GMFG: variants seen among roughly 807,000 people sequenced by gnomAD.
GMFG encodes the protein glia maturation factor gamma.
Under a neutral mutation model 26.1 loss-of-function variants are expected in GMFG, and 21 were observed. That is an observed-to-expected ratio of 0.80 (90% CI 0.57 to 1.16). The LOEUF (loss-of-function observed/expected upper bound fraction) is 1.16. Ranked by LOEUF, GMFG falls within the 50% of genes most tolerant of loss-of-function variation. The pLI, the probability that GMFG is intolerant of heterozygous loss-of-function variation, is 0.00. For synonymous variants in GMFG, 65 were observed against 60.8 expected (o/e 1.07, Z -0.32); for missense variants, 161 against 178.3 (o/e 0.90, Z 0.55).
chr19:39,333,056 C>T lies in GMFG; in HGVS notation c.200+21G>A, dbSNP rs551580183. The T allele has an allele frequency of 8.2e-5, 129 of 1,575,456 alleles. 2 individuals are homozygous for T. The South Asian group carries it at 1.3e-3, about 16-fold the overall frequency. ...CCCCTCCCCTCATGGCCTGATCCAA[C>T]CCTTTCTTCCCCCAGGATACCTGGG... On this transcript the variant is annotated intron_variant, in intron 4 of 6. Transcript: ENST00000597595.
intron 5 of GMFG, 71 bp downstream of exon 5, chr19:39,329,473 C>A: frequency 2.3e-6 from 2 of 882,562 alleles, no homozygotes; most frequent in South Asian, 1.4e-5. Flanking sequence ...TGCACACATT[C>A]GCATTTACAC....
chr19:39,331,122 C>T (rs1019451551), intron 4 of GMFG, among the ~76,000 whole-genome samples: 1 of 152,148 alleles, frequency 6.6e-6, no homozygotes, highest in African/African-American at 2.4e-5. Context: ...CACAGGAACA[C>T]CCTGTAACTT....
chr19:39,330,595 A>AT (rs568367051), intron 4 of GMFG, among the ~76,000 whole-genome samples: 8,063 of 131,440 alleles, frequency 0.061, 836 homozygotes, highest in African/African-American at 0.21. Flanking sequence ...TGCCCAGCTA[A>AT]TTTTTTTTTT....
chr19:39,331,430 T>C (rs1349052590), intron 4 of GMFG, among the ~76,000 whole-genome samples: 2 of 152,242 alleles, frequency 1.3e-5, no homozygotes, highest in Non-Finnish European at 2.9e-5. Flanking sequence ...GCAATTATCA[T>C]ATGCCCATGA....
Position 39,328,558 on chromosome 19 carries a change from G to T in GMFG, c.358-10C>A. Reference sequence around the variant, plus strand: ...TGCGGATTTCGAACACCTGGGCAGAGAGAGGTCTCGGCATTATGATCTACT... The same window carrying T: ...TGCGGATTTCGAACACCTGGGCAGATAGAGGTCTCGGCATTATGATCTACT... On this transcript the variant is annotated splice_polypyrimidine_tract_variant and intron_variant, in intron 6 of 6. Coordinates refer to ENST00000597595, the MANE Select transcript of GMFG (RefSeq NM_004877.4). 1 of 1,603,442 alleles carries T rather than the reference G, an allele frequency of 6.2e-7. No homozygotes were observed. Among genetic ancestry groups the T allele is most frequent in the Non-Finnish European group, 8.5e-7 (1 of 1,170,546 alleles).
chr19:39,328,377 A>T lies in GMFG; in HGVS notation c.*100T>A, dbSNP rs992901323. On this transcript the variant is annotated 3_prime_UTR_variant, in exon 7 of 7. Coordinates refer to ENST00000597595, the MANE Select transcript of GMFG (RefSeq NM_004877.4). ...GAGGATCTCCGAGTTTTTGCATTTTAAAATTTATTTAAAGTCTTGGTTGTT... is the reference window on the plus strand; with the variant it reads ...GAGGATCTCCGAGTTTTTGCATTTTTAAATTTATTTAAAGTCTTGGTTGTT... The T allele has an allele frequency of 1.1e-5, 9 of 807,166 alleles. No individual in the cohort carries two copies. Among genetic ancestry groups the T allele is most frequent in the Non-Finnish European group, 1.7e-5 (8 of 467,252 alleles). 50.0% of individuals were successfully genotyped at this position (807,166 alleles called of 1,614,324 possible). A position where few individuals can be genotyped will look rare whatever the true frequency, so the allele number is the denominator to read the frequency against.
chr19:39,333,908 C>G (rs972433144), intron 3 of GMFG, among the ~76,000 whole-genome samples: 1 of 151,664 alleles, frequency 6.6e-6, no homozygotes, highest in African/African-American at 2.4e-5. Flanking sequence ...AAATCCTTAT[C>G]GCAACACTAG....
chr19:39,334,282 C>T (rs913241111), intron 3 of GMFG, among the ~76,000 whole-genome samples: 31 of 152,150 alleles, frequency 2.0e-4, no homozygotes, highest in African/African-American at 6.8e-4. Context: ...TCCCAAAGTG[C>T]TGAGATTACA....
chr19:39,332,933 A>T, intron 4 of GMFG, 144 bp downstream of exon 4: 1 of 466,862 alleles, frequency 2.1e-6, no homozygotes, highest in Non-Finnish European at 4.1e-6. Context: ...TGCTGGGATT[A>T]CAGGGATGAG....
Position 39,329,059 on chromosome 19 carries a change from G to A in GMFG, c.298C>T (p.Gln100Ter). ...FSSPVGCKPE[Q>*]QMMYAGSKNR... Reference sequence around the variant, plus strand: ...TTACTCCCTGCATACATCATCTGTTGTTCCGGCTTGCAGCCTGCGTGGAAA... The same window carrying A: ...TTACTCCCTGCATACATCATCTGTTATTCCGGCTTGCAGCCTGCGTGGAAA... Residue 100 changes from glutamine to a stop codon, truncating the protein, a stop_gained, in exon 6 of 7, where the codon CAA (glutamine) becomes TAA (stop). Coordinates refer to ENST00000597595, the MANE Select transcript of GMFG (RefSeq NM_004877.4). LOFTEE classifies it high-confidence loss of function. 6.2e-7 allele frequency: 1 copy of A among 1,613,174 alleles called. No individual in the cohort carries two copies. The highest frequency in any genetic ancestry group is 1.7e-5 in the Admixed American group (1 of 60,008).
At chr19:39,329,331 A>G (rs1332658903) in intron 5 of GMFG, among the ~76,000 whole-genome samples, 3 of 152,128 alleles carry the variant, frequency 2.0e-5, no homozygotes, top group Non-Finnish European at 2.9e-5. Context: ...AGGACTGAGA[A>G]CGGGTGGGCT....
Position 39,328,426 on chromosome 19 carries a change from C to G in GMFG, c.*51G>C. 8.4e-7 allele frequency: 1 copy of G among 1,197,274 alleles called. No homozygotes were observed. Among genetic ancestry groups the G allele is most frequent in the Admixed American group, 1.7e-5 (1 of 59,382 alleles). 74.2% of individuals were successfully genotyped at this position (1,197,274 alleles called of 1,614,324 possible). ...TTCAGGTCCTAGGGGTTCCAAGTCC[C>G]CAGTCACCTTGAGGACTCAGACATC... On this transcript the variant is annotated 3_prime_UTR_variant, in exon 7 of 7. Transcript: ENST00000597595.
chr19:39,334,784 G>T (rs993383714), intron 3 of GMFG, among the ~76,000 whole-genome samples: 2 of 152,130 alleles, frequency 1.3e-5, no homozygotes, highest in Admixed American at 1.3e-4. Context: ...ACACAAACAG[G>T]CAAAGTCTCT....
chr19:39,329,449 C>T, intron 5 of GMFG, 95 bp downstream of exon 5: 2 of 755,566 alleles, frequency 2.6e-6, no homozygotes, highest in South Asian at 3.0e-5. Context: ...TGCTCACACT[C>T]TTACACAAGT....
At chr19:39,335,918 A>C in intron 1 of GMFG, 56 bp downstream of exon 1, 1 of 1,267,496 alleles carries the variant, frequency 7.9e-7, no homozygotes, top group Non-Finnish European at 1.1e-6. Flanking sequence ...GGTGTCCTCC[A>C]AGCCCCAGCC....
chr19:39,332,970 T>G, intron 4 of GMFG, 107 bp downstream of exon 4: 1 of 678,164 alleles, frequency 1.5e-6, no homozygotes, highest in Non-Finnish European at 2.6e-6. Flanking sequence ...AACACAGAGA[T>G]TCAAAGTCCA....
At position 39,328,465 on chromosome 19, in the gene GMFG, C is replaced by G; in HGVS notation, c.*12G>C. The G allele has an allele frequency of 6.3e-7, 1 of 1,592,448 alleles. No homozygotes were observed. The highest frequency in any genetic ancestry group is 8.6e-7 in the Non-Finnish European group (1 of 1,160,288). On this transcript the variant is annotated 3_prime_UTR_variant, in exon 7 of 7. Transcript: ENST00000597595. ...GACTCAGACATCAGGAATTCAGTCCCCAGCCCAGAGATCAACGAAAGAAAG... is the reference window on the plus strand; with the variant it reads ...GACTCAGACATCAGGAATTCAGTCCGCAGCCCAGAGATCAACGAAAGAAAG...
At chr19:39,330,643 T>C (rs2075222688) in intron 4 of GMFG, among the ~76,000 whole-genome samples, 1 of 150,338 alleles carries the variant, frequency 6.7e-6, no homozygotes, top group African/African-American at 2.5e-5. Context: ...GTCACCCAGG[T>C]TGGAGTACAG....
intron 5 of GMFG, 27 bp from the exon 6 acceptor site, chr19:39,329,100 A>G (rs1301184640): frequency 3.3e-6 from 5 of 1,521,784 alleles, no homozygotes; most frequent in Middle Eastern, 1.7e-4. Flanking sequence ...AGAAAGGCAC[A>G]TCAGTGGGGA....
Sources: allele counts gnomAD v4.1 joint callset (sites outside exome capture counted in the v4.1 genomes callset), GRCh38; gene constraint gnomAD v4.1.1; transcripts MANE v1.5; gene names NCBI Gene and HGNC (gene_info 2026-07-23, HGNC 2026-07-21).